Variants in RASAL2 observed in about 807,000 individuals in gnomAD.
RASAL2 encodes RAS protein activator like 2, also known as ras GTPase-activating protein nGAP.
Under a neutral mutation model 128.9 loss-of-function variants are expected in RASAL2, and 58 were observed. That is an observed-to-expected ratio of 0.45 (90% CI 0.36 to 0.56). The LOEUF (loss-of-function observed/expected upper bound fraction) is 0.56. Among genes scored for constraint, RASAL2 ranks in the 20% least tolerant of loss-of-function variants. RASAL2 has a pLI of 0.00. For synonymous variants in RASAL2, 561 were observed against 580.8 expected, an observed-to-expected ratio of 0.97 and a Z score of 0.49; for missense variants, 1,360 against 1,601.6, an observed-to-expected ratio of 0.85 and a Z score of 2.57.
intron 3 of RASAL2, among the ~76,000 whole-genome samples, chr1:178,326,138 T>A (rs1435915664): frequency 6.6e-6 from 1 of 152,070 alleles, no homozygotes; most frequent in African/African-American, 2.4e-5. Context: ...AGAAATGAAT[T>A]AATAAATAAA....
intron 1 of RASAL2, among the ~76,000 whole-genome samples, chr1:178,247,799 G>C (rs1369480945): frequency 6.6e-6 from 1 of 151,948 alleles, no homozygotes; most frequent in Non-Finnish European, 1.5e-5. Context: ...AAAGAACTTC[G>C]TTATCTCTAC....
intron 3 of RASAL2, among the ~76,000 whole-genome samples, chr1:178,330,123 C>G (rs1174280474): frequency 6.6e-6 from 1 of 152,136 alleles, no homozygotes; most frequent in Non-Finnish European, 1.5e-5. Context: ...AGTTAAGGCA[C>G]TAGTTTATTA....
intron 1 of RASAL2, among the ~76,000 whole-genome samples, chr1:178,219,484 T>C (rs1013059682): frequency 1.3e-5 from 2 of 151,550 alleles, no homozygotes; most frequent in South Asian, 4.2e-4. Context: ...CTACAAAAAG[T>C]AGAAAAATTA....
intron 3 of RASAL2, among the ~76,000 whole-genome samples, chr1:178,377,700 G>C (rs2102547471): frequency 6.6e-6 from 1 of 152,096 alleles, no homozygotes; most frequent in Non-Finnish European, 1.5e-5. Flanking sequence ...TGAGGTGGGA[G>C]GGGGAAAAAC....
chr1:178,095,289 G>A (rs993011385), intron 1 of RASAL2, among the ~76,000 whole-genome samples: 1 of 152,178 alleles, frequency 6.6e-6, no homozygotes, highest in South Asian at 2.1e-4. Flanking sequence ...CCACTCAGCA[G>A]GTTAAAAGTG....
chr1:178,101,291 G>A (rs1658888317), intron 1 of RASAL2, among the ~76,000 whole-genome samples: 1 of 152,182 alleles, frequency 6.6e-6, no homozygotes, highest in African/African-American at 2.4e-5. Flanking sequence ...CTCTACAGCT[G>A]GGTTCAGATA....
intron 3 of RASAL2, among the ~76,000 whole-genome samples, chr1:178,362,783 G>A (rs1029943403): frequency 2.0e-5 from 3 of 151,322 alleles, no homozygotes; most frequent in Admixed American, 6.6e-5. Flanking sequence ...TGTGTCTGGC[G>A]TATTTCACTT....
intron 6 of RASAL2, among the ~76,000 whole-genome samples, chr1:178,440,358 A>G (rs1676550273): frequency 1.3e-5 from 2 of 152,040 alleles, no homozygotes; most frequent in African/African-American, 2.4e-5. Flanking sequence ...CAAAAGAAAT[A>G]TAGTACAATC....
At chr1:178,399,495 A>G (rs1444452965) in intron 4 of RASAL2, among the ~76,000 whole-genome samples, 1 of 152,150 alleles carries the variant, frequency 6.6e-6, no homozygotes, top group Non-Finnish European at 1.5e-5. Flanking sequence ...ATGGCATGAC[A>G]CGCAGGTTTG....
At chr1:178,285,564 T>G (rs1481938574) in intron 2 of RASAL2, among the ~76,000 whole-genome samples, 3 of 152,254 alleles carry the variant, frequency 2.0e-5, no homozygotes, top group African/African-American at 7.2e-5. Flanking sequence ...ATTCTTAAAT[T>G]TAATTTTATT....
chr1:178,280,533 C>T (rs1477568359), intron 1 of RASAL2, among the ~76,000 whole-genome samples: 1 of 151,798 alleles, frequency 6.6e-6, no homozygotes, highest in African/African-American at 2.4e-5. Flanking sequence ...TACTGAAGTC[C>T]TCAGTAATTT....
intron 3 of RASAL2, among the ~76,000 whole-genome samples, chr1:178,301,762 C>T (rs1220742198): frequency 6.6e-6 from 1 of 152,084 alleles, no homozygotes; most frequent in Non-Finnish European, 1.5e-5. Context: ...TTTCTAGGAA[C>T]CTTTCGCTCT....
intron 1 of RASAL2, among the ~76,000 whole-genome samples, chr1:178,109,989 G>GC (rs1659235099): frequency 6.6e-6 from 1 of 152,110 alleles, no homozygotes; most frequent in Non-Finnish European, 1.5e-5. Context: ...CTACACTTCA[G>GC]CCTGAGCTAC....
rs150882799 is a variant in RASAL2, at chr1:178,113,776, G to C, written c.202+19082G>C. On this transcript the variant is annotated intron_variant, in intron 1 of 17. Transcript: ENST00000367649. The stretch of plus-strand genomic sequence containing the variant: ...TAAATCTATAGATCAATTTTGGGGA[G>C]AGTTACTATCTTAACAATATTAAGT... 3.3e-3 allele frequency among the ~76,000 whole-genome samples: 500 copies of C among 152,166 alleles called. 4 individuals are homozygous for C. The highest frequency in any genetic ancestry group is 0.012 in the African/African-American group (485 of 41,520).
At chr1:178,206,385 T>C (rs1663047770) in intron 1 of RASAL2, among the ~76,000 whole-genome samples, 1 of 152,226 alleles carries the variant, frequency 6.6e-6, no homozygotes, top group Non-Finnish European at 1.5e-5. Flanking sequence ...AACTCTCAGC[T>C]AAGGATTATT....
chr1:178,271,371 G>A lies in RASAL2; in HGVS notation c.203-12193G>A, dbSNP rs557796989. 3.8e-3 allele frequency among the ~76,000 whole-genome samples: 572 copies of A among 152,120 alleles called. 4 individuals carry two copies. The highest frequency in any genetic ancestry group is 0.031 in the Middle Eastern group (9 of 294). Reference sequence around the variant, plus strand: ...TGTGGGTCCATGTCTCTGTCTCTCCGTATATAAATTTATCTTTACTGTAGT... The same window carrying A: ...TGTGGGTCCATGTCTCTGTCTCTCCATATATAAATTTATCTTTACTGTAGT... On this transcript the variant is annotated intron_variant, in intron 1 of 17. Transcript: ENST00000367649.
chr1:178,338,387 C>T (rs1669700965), intron 3 of RASAL2, among the ~76,000 whole-genome samples: 1 of 152,104 alleles, frequency 6.6e-6, no homozygotes, highest in Non-Finnish European at 1.5e-5. Flanking sequence ...ACCTCAGCCT[C>T]CCAAAGTGCT....
chr1:178,434,799 G>T (rs936225357), intron 5 of RASAL2, among the ~76,000 whole-genome samples: 4 of 151,360 alleles, frequency 2.6e-5, no homozygotes, highest in African/African-American at 9.7e-5. Flanking sequence ...TATAATACAA[G>T]AAAGGATGTG....
intron 1 of RASAL2, among the ~76,000 whole-genome samples, chr1:178,110,650 A>ATATATATATATATATATATATG (rs68137228): frequency 9.3e-5 from 13 of 139,156 alleles, no homozygotes; most frequent in African/African-American, 3.2e-4. Context: ...ATATATATAT[A>ATATATATATATATATATATATG]TATGTATGTA....
Sources: allele counts gnomAD v4.1 joint callset (sites outside exome capture counted in the v4.1 genomes callset), GRCh38; gene constraint gnomAD v4.1.1; transcripts MANE v1.5; gene names NCBI Gene and HGNC (gene_info 2026-07-23, HGNC 2026-07-21).